Variants in CNTNAP5 observed in about 807,000 individuals in gnomAD.
The protein encoded by CNTNAP5 is contactin associated protein family member 5, also known as contactin-associated protein-like 5.
Under a neutral mutation model 150.2 loss-of-function variants are expected in CNTNAP5, and 72 were observed. That is an observed-to-expected ratio of 0.48 (90% CI 0.40 to 0.58). The LOEUF (loss-of-function observed/expected upper bound fraction) is 0.58. Among genes scored for constraint, CNTNAP5 ranks in the 20% least tolerant of loss-of-function variants. The pLI is 0.00. For synonymous variants in CNTNAP5, 672 were observed against 619.8 expected, an observed-to-expected ratio of 1.08 and a Z score of -1.25; for missense variants, 1,636 against 1,626.2, an observed-to-expected ratio of 1.01 and a Z score of -0.10.
intron 17 of CNTNAP5, among the ~76,000 whole-genome samples, chr2:124,780,177 T>C (rs1201299980): frequency 2.0e-5 from 3 of 152,294 alleles, no homozygotes; most frequent in East Asian, 3.9e-4. Context: ...GTTTCAAACA[T>C]TGAATGCAGC....
chr2:124,645,803 T>C (rs151264038), intron 12 of CNTNAP5, among the ~76,000 whole-genome samples: 143 of 152,270 alleles, frequency 9.4e-4, no homozygotes, highest in African/African-American at 3.2e-3. Context: ...ACAGGAAGCA[T>C]GGTGATGGCA....
intron 3 of CNTNAP5, among the ~76,000 whole-genome samples, chr2:124,276,095 C>A (rs1041446957): frequency 6.6e-6 from 1 of 152,130 alleles, no homozygotes; most frequent in African/African-American, 2.4e-5. Flanking sequence ...AAACTTCACA[C>A]TGAAACACTC....
At chr2:124,513,762 G>T (rs1036200794) in intron 8 of CNTNAP5, among the ~76,000 whole-genome samples, 13 of 152,166 alleles carry the variant, frequency 8.5e-5, no homozygotes, top group Non-Finnish European at 1.9e-4. Flanking sequence ...AAAGGGCAGG[G>T]GAGCTCCCAG....
intron 19 of CNTNAP5, among the ~76,000 whole-genome samples, chr2:124,846,286 T>G (rs998990224): frequency 1.3e-5 from 2 of 152,114 alleles, no homozygotes; most frequent in African/African-American, 2.4e-5. Flanking sequence ...TAAAAAAAAT[T>G]TTTTTGTCTT....
chr2:124,217,986 C>A lies in CNTNAP5; in HGVS notation c.83-3719C>A, dbSNP rs1389747046. 2.0e-5 allele frequency among the ~76,000 whole-genome samples: 3 copies of A among 152,154 alleles called. No individual in the cohort carries two copies. The East Asian group carries it at 5.8e-4, about 29-fold the overall frequency. On this transcript the variant is annotated intron_variant, in intron 1 of 23. Transcript: ENST00000682447. ...GGAAAAAGGAATCTCCAAGCTCTAA[C>A]CCTCAATATGCTTTCCACTAATGCA...
intron 8 of CNTNAP5, among the ~76,000 whole-genome samples, chr2:124,516,140 TGATAGCTGATG>T (rs1333842691): frequency 6.6e-6 from 1 of 152,200 alleles, no homozygotes; most frequent in Non-Finnish European, 1.5e-5. Flanking sequence ...TAATCGAATT[TGATAGCTGATG>T]GATAAACAGT....
intron 19 of CNTNAP5, among the ~76,000 whole-genome samples, chr2:124,845,935 C>A (rs1683038754): frequency 6.6e-6 from 1 of 151,488 alleles, no homozygotes; most frequent in East Asian, 1.9e-4. Flanking sequence ...TTCAAAGAAC[C>A]AGCTTTTTTT....
intron 13 of CNTNAP5, among the ~76,000 whole-genome samples, chr2:124,712,735 C>T (rs1679831999): frequency 6.6e-6 from 1 of 150,732 alleles, no homozygotes. Flanking sequence ...GAGGCCAGAG[C>T]ACTCTCAGCC....
intron 13 of CNTNAP5, among the ~76,000 whole-genome samples, chr2:124,746,546 C>A (rs1026349522): frequency 1.3e-5 from 2 of 152,108 alleles, no homozygotes; most frequent in East Asian, 1.9e-4. Context: ...CTAATGATGT[C>A]TTTTTAAAAA....
At chr2:124,138,401 G>A (rs981200339) in intron 1 of CNTNAP5, among the ~76,000 whole-genome samples, 5 of 152,168 alleles carry the variant, frequency 3.3e-5, no homozygotes, top group African/African-American at 1.2e-4. Context: ...ACTGTCTGAG[G>A]GAGCCTTGTA....
chr2:124,694,289 G>C (rs1679359548), intron 13 of CNTNAP5, among the ~76,000 whole-genome samples: 1 of 152,142 alleles, frequency 6.6e-6, no homozygotes, highest in Non-Finnish European at 1.5e-5. Flanking sequence ...GAGGCATAGA[G>C]TGAATAAGTA....
chr2:124,097,519 G>A (rs947835333), intron 1 of CNTNAP5, among the ~76,000 whole-genome samples: 1 of 152,142 alleles, frequency 6.6e-6, no homozygotes, highest in Non-Finnish European at 1.5e-5. Context: ...CTCTCACCTT[G>A]GAACCAAGCC....
chr2:124,772,415 C>A (rs1204017454), intron 16 of CNTNAP5, among the ~76,000 whole-genome samples: 3 of 152,160 alleles, frequency 2.0e-5, no homozygotes, highest in African/African-American at 4.8e-5. Context: ...CTTCCCAAGG[C>A]CTAAGTCTCC....
intron 19 of CNTNAP5, among the ~76,000 whole-genome samples, chr2:124,819,355 C>A (rs1682436731): frequency 6.6e-6 from 1 of 151,954 alleles, no homozygotes; most frequent in Non-Finnish European, 1.5e-5. Context: ...TTTTCACTAC[C>A]ACTTAGGACT....
At chr2:124,166,799 A>G (rs1684818070) in intron 1 of CNTNAP5, among the ~76,000 whole-genome samples, 1 of 152,180 alleles carries the variant, frequency 6.6e-6, no homozygotes, top group African/African-American at 2.4e-5. Flanking sequence ...GGCAGAGATT[A>G]GGAGTCTGCA....
chr2:124,766,395 A>G (rs963147190), intron 16 of CNTNAP5, among the ~76,000 whole-genome samples: 2 of 146,506 alleles, frequency 1.4e-5, no homozygotes, highest in African/African-American at 5.4e-5. Context: ...AGAGCTCCAG[A>G]AAAGGAGACA....
chr2:124,330,366 CAAAT>C lies in CNTNAP5; in HGVS notation c.382-87075_382-87072del, dbSNP rs546070676. ...TATTGCCATAATAAAAGCATACTCA[CAAAT>C]AGTGATATGGTTGGTCCCCACTCAA... On this transcript the variant is annotated intron_variant, in intron 3 of 23. Transcript: ENST00000682447. Among the ~76,000 whole-genome samples the C allele has an allele frequency of 4.7e-3, 720 of 152,248 alleles. 7 individuals carry two copies. The highest frequency in any genetic ancestry group is 0.017 in the African/African-American group (692 of 41,562).
intron 8 of CNTNAP5, among the ~76,000 whole-genome samples, chr2:124,510,844 G>T (rs1381726344): frequency 6.6e-6 from 1 of 152,148 alleles, no homozygotes; most frequent in Admixed American, 6.6e-5. Context: ...CCTTCTAGGA[G>T]TCTTGCTGGA....
At chr2:124,320,178 G>T (rs1274815559) in intron 3 of CNTNAP5, among the ~76,000 whole-genome samples, 1 of 152,038 alleles carries the variant, frequency 6.6e-6, no homozygotes, top group East Asian at 1.9e-4. Context: ...TATTTCTATA[G>T]CCTACCTTCC....
Sources: allele counts gnomAD v4.1 joint callset (sites outside exome capture counted in the v4.1 genomes callset), GRCh38; gene constraint gnomAD v4.1.1; transcripts MANE v1.5; gene names NCBI Gene and HGNC (gene_info 2026-07-23, HGNC 2026-07-21).